SZRD1: variants seen among roughly 807,000 people sequenced by gnomAD.
SZRD1 encodes SUZ RNA binding domain containing 1.
SZRD1 carries 7 observed loss-of-function variants against 17.6 expected under a neutral mutation model. That is an observed-to-expected ratio of 0.40 (90% CI 0.23 to 0.75). The LOEUF (loss-of-function observed/expected upper bound fraction) is 0.75. SZRD1 is among the 30% of genes least tolerant of loss of function. The probability of loss-of-function intolerance (pLI) is 0.38; values close to 1 mark genes in which losing one functional copy is unlikely to be tolerated. For synonymous variants in SZRD1, 77 were observed against 77.9 expected, an observed-to-expected ratio of 0.99 and a Z score of 0.06; for missense variants, 178 against 201.8, an observed-to-expected ratio of 0.88 and a Z score of 0.71.
Position 16,369,893 on chromosome 1 carries a change from A to C in SZRD1, c.51+2585A>C, listed in dbSNP as rs567399050. ...AACAAGAGTGAAACTCCATCAAAAA[A>C]AAAAACAAAAAAAAAAAACTACAGA... On this transcript the variant is annotated intron_variant, in intron 1 of 3. Transcript: ENST00000401088. 6.3e-5 allele frequency among the ~76,000 whole-genome samples: 9 copies of C among 142,912 alleles called. No homozygotes were observed. In the East Asian group the frequency reaches 8.0e-4, roughly 13 times the overall value. The allele number at this position is 142,912 out of a possible 152,430, so 93.8% of individuals were successfully genotyped here.
At position 16,393,441 on chromosome 1, in the gene SZRD1, C is replaced by T. The variant is rs1487354600; in HGVS notation, c.315C>T (p.Ser105=). 6 of 1,613,822 alleles carry T rather than the reference C, an allele frequency of 3.7e-6. No individual in the cohort carries two copies. Among genetic ancestry groups the T allele is most frequent in the South Asian group, 3.3e-5 (3 of 91,056 alleles). The change falls in exon 3 of 4, where the codon AGC becomes AGT. Residue 105 remains serine, a synonymous_variant. Coordinates refer to ENST00000401088, the MANE Select transcript of SZRD1 (RefSeq NM_001114600.3). The surrounding 1 kb of genome is among the most constrained non-coding windows in gnomAD (Gnocchi z 5.6). ...AGGCCCGGAAGCGGATCCTGGGCAG[C>T]GCCAGCCCCGAGGAGGAGCAGGAGA... ...YAEARKRILG[S]ASPEEEQEKP... is the part of the protein sequence containing the mutation.
chr1:16,382,199 T>G (rs2083115771), intron 1 of SZRD1, among the ~76,000 whole-genome samples: 1 of 151,386 alleles, frequency 6.6e-6, no homozygotes, highest in Non-Finnish European at 1.5e-5. Flanking sequence ...GTTTTTTTTT[T>G]CTTTTTTGAG....
At chr1:16,375,641 G>T (rs1463939839) in intron 1 of SZRD1, among the ~76,000 whole-genome samples, 1 of 152,034 alleles carries the variant, frequency 6.6e-6, no homozygotes, top group African/African-American at 2.4e-5. Context: ...CCTTGACGGT[G>T]AGACATTTCA....
At chr1:16,381,094 A>AC (rs1325035206) in intron 1 of SZRD1, among the ~76,000 whole-genome samples, 24 of 151,180 alleles carry the variant, frequency 1.6e-4, no homozygotes, top group Admixed American at 3.3e-4. Context: ...TTAAAAAAAA[A>AC]AAAAAAAAAA....
At chr1:16,379,411 C>T (rs2083057681) in intron 1 of SZRD1, among the ~76,000 whole-genome samples, 3 of 152,156 alleles carry the variant, frequency 2.0e-5, no homozygotes, top group Non-Finnish European at 4.4e-5. Context: ...CCTTAGGGTT[C>T]AGTTCTGTCA....
intron 1 of SZRD1, among the ~76,000 whole-genome samples, chr1:16,379,854 G>A (rs895542383): frequency 2.7e-5 from 4 of 149,382 alleles, no homozygotes; most frequent in African/African-American, 7.4e-5. Flanking sequence ...TTTGCCTCTC[G>A]GGTTCAAGCA....
rs578144350 is a variant in SZRD1 at position 16,398,054 on chromosome 1, C to T, written c.*2914C>T. 1.7e-4 allele frequency: 152 copies of T among 888,586 alleles called. No homozygotes were observed. Among genetic ancestry groups the T allele is most frequent in the Non-Finnish European group, 2.0e-4 (145 of 741,662 alleles). The allele number at this position is 888,586 out of a possible 1,614,324, so 55.0% of individuals were successfully genotyped here. A position where few individuals can be genotyped will look rare whatever the true frequency, so the allele number is the denominator to read the frequency against. On this transcript the variant is annotated 3_prime_UTR_variant, in exon 4 of 4. Transcript: ENST00000401088. ...CTCTGCTGGTGTAGCGGGCAGCTGCCCACTCCCACCCCACCCTGCACCGCG... is the reference window on the plus strand; with the variant it reads ...CTCTGCTGGTGTAGCGGGCAGCTGCTCACTCCCACCCCACCCTGCACCGCG...
chr1:16,395,603 T>C lies in SZRD1; in HGVS notation c.*463T>C, dbSNP rs2085297828. On this transcript the variant is annotated 3_prime_UTR_variant, in exon 4 of 4. Coordinates refer to ENST00000401088, the MANE Select transcript of SZRD1 (RefSeq NM_001114600.3). ...AGTAAGTTCCATTTGAAAATATCCT[T>C]TCTTTTTTTTTTCTTCCTATTTTTG... The C allele has an allele frequency of 6.4e-6, 1 of 156,216 alleles. No homozygotes were observed. The highest frequency in any genetic ancestry group is 2.5e-5 in the African/African-American group (1 of 39,456). The allele number at this position is 156,216 out of a possible 1,614,324, so 9.7% of individuals were successfully genotyped here.
chr1:16,393,099 G>C lies in SZRD1; in HGVS notation c.102-129G>C. On this transcript the variant is annotated intron_variant, in intron 2 of 3. Coordinates refer to ENST00000401088, the MANE Select transcript of SZRD1 (RefSeq NM_001114600.3). This position sits in a 1 kb window ranked among gnomAD's most constrained non-coding sequence, Gnocchi z 5.6. ...GAGTGGAAATTTTGCTGTCTGGTCA[G>C]AGGCCAGAGAATCATGCATGGGTAG... 7.6e-7 allele frequency: 1 copy of C among 1,312,470 alleles called. No individual in the cohort carries two copies. The highest frequency in any genetic ancestry group is 1.4e-5 in the South Asian group (1 of 72,960). 81.3% of individuals were successfully genotyped at this position (1,312,470 alleles called of 1,614,324 possible).
rs1009970226 is a variant in SZRD1 at position 16,367,247 on chromosome 1, C to A, written c.-11C>A. On this transcript the variant is annotated 5_prime_UTR_variant, in exon 1 of 4. Transcript: ENST00000401088. ...GGAGGGGGTGGGGGAGGAGGGAAAG[C>A]GGCGAGTAAGATGGAAGATGAGGAG... 1.0e-4 allele frequency: 156 copies of A among 1,547,658 alleles called. No individual in the cohort carries two copies. Among genetic ancestry groups the A allele is most frequent in the Non-Finnish European group, 1.3e-4 (149 of 1,146,006 alleles).
intron 1 of SZRD1, among the ~76,000 whole-genome samples, chr1:16,370,250 A>G (rs2082891271): frequency 6.6e-6 from 1 of 150,412 alleles, no homozygotes. Context: ...GTTTGAGAGA[A>G]GGTCTTACTC....
intron 1 of SZRD1, chr1:16,369,455 T>A: frequency 9.5e-7 from 1 of 1,054,186 alleles, no homozygotes. Context: ...ACGGGGTGAG[T>A]GCATTCAAGA....
intron 1 of SZRD1, among the ~76,000 whole-genome samples, chr1:16,373,308 G>A (rs1019593648): frequency 6.6e-6 from 1 of 150,924 alleles, no homozygotes; most frequent in Non-Finnish European, 1.5e-5. Flanking sequence ...TGCCGGACAC[G>A]ATGGCTCATG....
intron 1 of SZRD1, 133 bp downstream of exon 1, chr1:16,367,441 C>T: frequency 2.5e-6 from 2 of 806,780 alleles, no homozygotes; most frequent in East Asian, 3.0e-5. Flanking sequence ...GTGGAGAGGC[C>T]CCCAGTTCCT....
At chr1:16,388,292 G>T (rs936311994) in intron 1 of SZRD1, among the ~76,000 whole-genome samples, 1 of 152,084 alleles carries the variant, frequency 6.6e-6, no homozygotes, top group Non-Finnish European at 1.5e-5. Context: ...TAGAGACGGG[G>T]TTTCACCTTG....
At chr1:16,382,094 G>T (rs1220127671) in intron 1 of SZRD1, among the ~76,000 whole-genome samples, 1 of 152,112 alleles carries the variant, frequency 6.6e-6, no homozygotes, top group African/African-American at 2.4e-5. Context: ...CAGAGGTAGT[G>T]GACAGCCAGA....
chr1:16,381,512 G>A (rs1180559534), intron 1 of SZRD1, among the ~76,000 whole-genome samples: 3 of 149,862 alleles, frequency 2.0e-5, no homozygotes, highest in Admixed American at 6.7e-5. Flanking sequence ...AGCTGAGATC[G>A]TGCCATTGCA....
At chr1:16,387,472 A>G (rs1270789554) in intron 1 of SZRD1, 1 of 453,848 alleles carries the variant, frequency 2.2e-6, no homozygotes, top group African/African-American at 2.0e-5. Context: ...CATTGCCATA[A>G]AAATACTGAT....
intron 1 of SZRD1, among the ~76,000 whole-genome samples, chr1:16,372,271 A>G (rs902491481): frequency 2.0e-5 from 3 of 152,102 alleles, no homozygotes; most frequent in Admixed American, 6.6e-5. Flanking sequence ...TCACGAGTTC[A>G]AGACCAGCGT....
Sources: gnomAD v4.1 joint callset for allele counts (sites outside exome capture counted in the v4.1 genomes callset) on GRCh38, gnomAD v4.1.1 for gene constraint, Gnocchi (gnomAD v3.1) non-coding constraint, MANE v1.5 for transcripts, NCBI Gene and HGNC (gene_info 2026-07-23, HGNC 2026-07-21) for gene names.